Variants in TMCC2 observed in about 807,000 individuals in gnomAD.
TMCC2 encodes transmembrane and coiled-coil domain family 2, also known as transmembrane and coiled-coil domains protein 2.
In TMCC2, 16 loss-of-function variants were observed where a neutral mutation model predicts 49.4. That is an observed-to-expected ratio of 0.32 (90% CI 0.22 to 0.49). TMCC2 has a LOEUF of 0.49. Ranked by LOEUF, TMCC2 falls within the 20% of genes least tolerant of loss-of-function variation. TMCC2 has a pLI of 0.99. For missense variants in TMCC2, 762 were observed against 989.8 expected, an observed-to-expected ratio of 0.77 and a Z score of 3.09; for synonymous variants, 397 against 434.1, an observed-to-expected ratio of 0.91 and a Z score of 1.06.
At chr1:205,234,938 C>T (rs922430667) in intron 1 of TMCC2, among the ~76,000 whole-genome samples, 1 of 152,050 alleles carries the variant, frequency 6.6e-6, no homozygotes, top group Non-Finnish European at 1.5e-5. Context: ...GGATTATAAG[C>T]GTGAGCCACT....
intron 2 of TMCC2, among the ~76,000 whole-genome samples, chr1:205,243,893 C>G (rs1037704244): frequency 1.3e-5 from 2 of 152,076 alleles, no homozygotes; most frequent in Non-Finnish European, 2.9e-5. Flanking sequence ...GTGGACAGAC[C>G]CAGCTGACAT....
At chr1:205,231,933 G>A (rs1357373062) in intron 1 of TMCC2, among the ~76,000 whole-genome samples, 3 of 152,110 alleles carry the variant, frequency 2.0e-5, no homozygotes. Flanking sequence ...TCTTGAGAAA[G>A]GGGCAAAAAT....
chr1:205,260,766 TGGA>T (rs1255068164), intron 2 of TMCC2, among the ~76,000 whole-genome samples: 1,841 of 143,912 alleles, frequency 0.013, 45 homozygotes, highest in African/African-American at 0.044. Flanking sequence ...TTTCATATAA[TGGA>T]ATCATTCATT....
chr1:205,229,554 G>GGTA, intron 1 of TMCC2: 1 of 699,234 alleles, frequency 1.4e-6, no homozygotes, highest in Non-Finnish European at 1.7e-6. Context: ...GCGGGGGGGG[G>GGTA]GGGGTGGTGG....
chr1:205,267,580 G>A (rs1661394102), intron 2 of TMCC2, among the ~76,000 whole-genome samples: 1 of 152,176 alleles, frequency 6.6e-6, no homozygotes, highest in African/African-American at 2.4e-5. Context: ...GCTGTGGACA[G>A]AAAGATCCTC....
At position 205,264,380 on chromosome 1, in the gene TMCC2, G is replaced by A. The variant is rs1661235837; in HGVS notation, c.748-4570G>A. On this transcript the variant is annotated intron_variant, in intron 2 of 4. Coordinates refer to ENST00000358024, the MANE Select transcript of TMCC2 (RefSeq NM_014858.4). The surrounding 1 kb of genome is among the most constrained non-coding windows in gnomAD (Gnocchi z 4.2). The stretch of plus-strand genomic sequence containing the variant: ...GTCACCCAGGCTGGAGTGCAGTGGT[G>A]CAGTCTTGGCTCACTGCAACTTCCG... Among the ~76,000 whole-genome samples the A allele has an allele frequency of 6.6e-6, 1 of 152,164 alleles. No individual in the cohort carries two copies. Among genetic ancestry groups the A allele is most frequent in the African/African-American group, 2.4e-5 (1 of 41,434 alleles).
intron 1 of TMCC2, among the ~76,000 whole-genome samples, chr1:205,230,854 G>A (rs974224590): frequency 6.6e-6 from 1 of 150,636 alleles, no homozygotes; most frequent in African/African-American, 2.4e-5. Flanking sequence ...TTTTGGCAGT[G>A]CCCTCATTCT....
In TMCC2 at chr1:205,241,834, C is replaced by G; in HGVS notation, c.537C>G (p.Ser179Arg). 1 of 1,599,864 alleles carries G rather than the reference C, an allele frequency of 6.3e-7. No homozygotes were observed. Among genetic ancestry groups the G allele is most frequent in the Non-Finnish European group, 8.5e-7 (1 of 1,174,696 alleles). The change falls in exon 2 of 5, where the codon AGC becomes AGG. Residue 179 changes from serine (S) to arginine (R), a missense_variant. Coordinates refer to ENST00000358024, the MANE Select transcript of TMCC2 (RefSeq NM_014858.4). The surrounding 1 kb of genome is among the most constrained non-coding windows in gnomAD (Gnocchi z 7.3). The part of the protein sequence containing the change: ...SSSGGGSSGS[S>R]SRRTKSSSLE... ...GTGGGGGCGGCAGCAGCGGGAGCAG[C>G]AGCCGGCGCACCAAGAGTAGCTCCC...
chr1:205,257,204 G>A, intron 2 of TMCC2: 2 of 1,232,486 alleles, frequency 1.6e-6, no homozygotes, highest in Non-Finnish European at 2.0e-6. Context: ...TCAGTCTGGA[G>A]ATGGCGGCTG....
intron 1 of TMCC2, among the ~76,000 whole-genome samples, chr1:205,233,000 A>G (rs1659868512): frequency 6.6e-6 from 1 of 151,542 alleles, no homozygotes; most frequent in African/African-American, 2.4e-5. Flanking sequence ...AACCGAAAAA[A>G]AAAAAAAAAA....
intron 2 of TMCC2, among the ~76,000 whole-genome samples, chr1:205,248,095 TAAAAAC>T (rs1249183054): frequency 1.3e-5 from 2 of 152,134 alleles, no homozygotes; most frequent in East Asian, 1.9e-4. Context: ...CTTCCCTGTT[TAAAAAC>T]AAAAACAAAA....
intron 1 of TMCC2, among the ~76,000 whole-genome samples, chr1:205,237,310 T>C (rs1194036938): frequency 6.6e-6 from 1 of 152,168 alleles, no homozygotes; most frequent in Non-Finnish European, 1.5e-5. Context: ...TTACAGTGAT[T>C]AGTTCTCTAA....
chr1:205,228,138 C>T lies in TMCC2; in HGVS notation c.-427C>T, dbSNP rs1485455587. 1 of 150,366 alleles carries T rather than the reference C, an allele frequency of 6.7e-6. No homozygotes were observed. Among genetic ancestry groups the T allele is most frequent in the African/African-American group, 2.4e-5 (1 of 41,200 alleles). 9.3% of individuals were successfully genotyped at this position (150,366 alleles called of 1,614,324 possible). On this transcript the variant is annotated 5_prime_UTR_variant, in exon 1 of 5. Transcript: ENST00000358024. The stretch of plus-strand genomic sequence containing the variant: ...CGATGGCGGCCGACTAGGACCTGCC[C>T]GGCCGGCTGCCCCGCGCCCCGCCTC...
chr1:205,246,520 C>T, intron 2 of TMCC2: 1 of 1,506,708 alleles, frequency 6.6e-7, no homozygotes, highest in Non-Finnish European at 8.9e-7. Flanking sequence ...GCCTAGCCTC[C>T]ACTGGGGAGA....
chr1:205,268,963 A>G lies in TMCC2; in HGVS notation c.761A>G (p.Asp254Gly). Residue 254 changes from aspartate to glycine, a missense_variant, in exon 3 of 5, where the codon GAC (aspartate) becomes GGC (glycine). Physicochemically the swap from Asp to Gly is moderately conservative, Grantham distance 94 (BLOSUM62 -1). Around this residue, in one of 2 missense-constraint regions of TMCC2, gnomAD observed 440 missense variants for 636.7 expected, o/e 0.69. Transcript: ENST00000358024. ...CTCTTTCCCCAGGTCGATAAGGGAG[A>G]CCTGGTGGCCCTGAGCCTCCCCGCC... ...EGIGDKVDKG[D>G]LVALSLPAGH... 1 of 1,612,366 alleles carries G rather than the reference A, an allele frequency of 6.2e-7. No individual in the cohort carries two copies. The highest frequency in any genetic ancestry group is 1.1e-5 in the South Asian group (1 of 91,038).
chr1:205,238,926 C>T (rs1391517901), intron 1 of TMCC2, among the ~76,000 whole-genome samples: 1 of 152,174 alleles, frequency 6.6e-6, no homozygotes, highest in Non-Finnish European at 1.5e-5. Context: ...AATCGGAACG[C>T]ACTTTGCAAA....
In TMCC2 at chr1:205,257,448, T is replaced by G. The variant is rs1463645600; in HGVS notation, c.748-11502T>G. 2.5e-6 allele frequency: 3 copies of G among 1,204,228 alleles called. No individual in the cohort carries two copies. In the African/African-American group the frequency reaches 4.7e-5, roughly 19 times the overall value. The allele number at this position is 1,204,228 out of a possible 1,614,324, so 74.6% of individuals were successfully genotyped here. A position where few individuals can be genotyped will look rare whatever the true frequency, so the allele number is the denominator to read the frequency against. The stretch of plus-strand genomic sequence containing the variant: ...GATGGGAAAAGGCCTGTTCTGCAGT[T>G]AGTCAGGTGGGCTGTGCTTACACTC... On this transcript the variant is annotated intron_variant, in intron 2 of 4. Transcript: ENST00000358024.
chr1:205,229,093 A>G, intron 1 of TMCC2: 2 of 1,188,308 alleles, frequency 1.7e-6, no homozygotes, highest in Admixed American at 7.6e-5. Context: ...CTAACCAAAA[A>G]GTGGACAGCA....
chr1:205,260,248 C>G (rs1333189082), intron 2 of TMCC2, among the ~76,000 whole-genome samples: 1 of 152,134 alleles, frequency 6.6e-6, no homozygotes, highest in Non-Finnish European at 1.5e-5. Flanking sequence ...GTGCTGGTGG[C>G]TGGGCATGGA....
Sources: gnomAD v4.1 joint callset for allele counts (sites outside exome capture counted in the v4.1 genomes callset) on GRCh38, gnomAD v4.1.1 for gene constraint, gnomAD v4.1.1 regional missense constraint, Gnocchi (gnomAD v3.1) non-coding constraint, MANE v1.5 for transcripts, NCBI Gene and HGNC (gene_info 2026-07-23, HGNC 2026-07-21) for gene names.